The following TRAPPC9 variants were observed in gnomAD, a reference collection of about 807,000 sequenced individuals.
The protein encoded by TRAPPC9 is IKK2 binding protein.
Under a neutral mutation model 124.0 loss-of-function variants are expected in TRAPPC9, and 83 were observed. That is an observed-to-expected ratio of 0.67 (90% CI 0.56 to 0.80). The LOEUF is 0.80. Ranked by LOEUF, TRAPPC9 falls within the 30% of genes least tolerant of loss-of-function variation. TRAPPC9 has a pLI of 0.00. For synonymous variants in TRAPPC9, 638 were observed against 617.5 expected, an observed-to-expected ratio of 1.03 and a Z score of -0.49; for missense variants, 1,302 against 1,508.3, an observed-to-expected ratio of 0.86 and a Z score of 2.27.
intron 21 of TRAPPC9, among the ~76,000 whole-genome samples, chr8:139,885,602 C>T (rs1283537305): frequency 6.6e-6 from 1 of 152,224 alleles, no homozygotes; most frequent in African/African-American, 2.4e-5. Flanking sequence ...GGCCAAGATC[C>T]GCCTGCTGCA....
chr8:139,786,380 G>A (rs1232811422), intron 21 of TRAPPC9, among the ~76,000 whole-genome samples: 1 of 152,170 alleles, frequency 6.6e-6, no homozygotes, highest in Admixed American at 6.5e-5. Context: ...ATCCGTTAGA[G>A]GGCCTAGGGT....
chr8:139,965,388 G>A (rs910328854), intron 19 of TRAPPC9, among the ~76,000 whole-genome samples: 6 of 152,138 alleles, frequency 3.9e-5, no homozygotes, highest in African/African-American at 7.2e-5. Context: ...AGCAGCTCCC[G>A]AGGCTCCCAG....
rs559076289 is a variant in TRAPPC9, at chr8:139,804,661, G to A, written c.3056-72459C>T. 5.3e-4 allele frequency among the ~76,000 whole-genome samples: 15 copies of A among 28,466 alleles called. 3 individuals carry two copies. Among genetic ancestry groups the A allele is most frequent in the East Asian group, 2.2e-3 (2 of 924 alleles). 18.7% of individuals were successfully genotyped at this position (28,466 alleles called of 152,430 possible). A position where few individuals can be genotyped will look rare whatever the true frequency, so the allele number is the denominator to read the frequency against. On this transcript the variant is annotated intron_variant, in intron 21 of 22. Transcript: ENST00000438773. ...AGCACCACCGCCACCACCCACCACC[G>A]CCACCAAGCACCACCACCACACACA...
In TRAPPC9 at chr8:140,086,204, A is replaced by G. The variant is rs181382375; in HGVS notation, c.2557-62125T>C. Among the ~76,000 whole-genome samples the G allele has an allele frequency of 3.9e-5, 6 of 152,266 alleles. No homozygotes were observed. The East Asian group carries it at 9.7e-4, about 24-fold the overall frequency. On this transcript the variant is annotated intron_variant, in intron 17 of 22. Transcript: ENST00000438773. ...AAAGACACAGGTTTTGAAATGTGCT[A>G]CCACAAAGAAAGTACAAGAGGATCC... is the stretch of plus-strand genomic sequence containing the variant.
intron 17 of TRAPPC9, among the ~76,000 whole-genome samples, chr8:140,211,012 G>GTT (rs74275889): frequency 3.4e-5 from 5 of 145,652 alleles, no homozygotes; most frequent in African/African-American, 1.3e-4. Context: ...ATATCCTAGG[G>GTT]TTTTTTTTTT....
chr8:139,922,138 A>G (rs1266678867), intron 19 of TRAPPC9, among the ~76,000 whole-genome samples: 2 of 151,912 alleles, frequency 1.3e-5, no homozygotes, highest in African/African-American at 4.8e-5. Flanking sequence ...ATGTTAACTC[A>G]TTTATTTTCA....
chr8:139,908,496 C>A (rs186818541), intron 20 of TRAPPC9: 5 of 152,228 alleles, frequency 3.3e-5, no homozygotes, highest in Non-Finnish European at 5.9e-5. Flanking sequence ...CCAGCATAGA[C>A]GCTGGGAGGT....
intron 16 of TRAPPC9, among the ~76,000 whole-genome samples, chr8:140,242,136 CAGAG>C (rs36214777): frequency 2.6e-3 from 384 of 146,136 alleles, no homozygotes; most frequent in Non-Finnish European, 3.9e-3. Flanking sequence ...AAGAGGCAGA[CAGAG>C]AGAGAGAGAG....
intron 17 of TRAPPC9, among the ~76,000 whole-genome samples, chr8:140,036,871 A>C (rs185697535): frequency 1.1e-4 from 16 of 152,232 alleles, no homozygotes; most frequent in Admixed American, 9.2e-4. Flanking sequence ...TTGTACTTTA[A>C]GTTCTGGGGC....
intron 17 of TRAPPC9, among the ~76,000 whole-genome samples, chr8:140,081,405 GCA>G (rs2130002822): frequency 6.7e-6 from 1 of 148,486 alleles, no homozygotes; most frequent in African/African-American, 2.5e-5. Flanking sequence ...GAGTGCAGTG[GCA>G]CAGTCTCAGC....
At chr8:140,066,706 C>T (rs763756192) in intron 17 of TRAPPC9, among the ~76,000 whole-genome samples, 8 of 152,272 alleles carry the variant, frequency 5.3e-5, no homozygotes, top group Non-Finnish European at 1.2e-4. Context: ...GGTGCAAAGC[C>T]TATATAAGTC....
At chr8:139,741,816 C>A (rs994863654) in intron 21 of TRAPPC9, among the ~76,000 whole-genome samples, 4 of 152,198 alleles carry the variant, frequency 2.6e-5, no homozygotes, top group African/African-American at 9.6e-5. Context: ...AGCATGATGT[C>A]TCTAAGGCTC....
At chr8:140,422,516 G>T (rs1218547034) in intron 5 of TRAPPC9, among the ~76,000 whole-genome samples, 4 of 152,114 alleles carry the variant, frequency 2.6e-5, no homozygotes, top group Non-Finnish European at 5.9e-5. Context: ...CACTTTGGGA[G>T]GCCGAGGTGG....
chr8:139,871,261 G>A (rs1303824682), intron 21 of TRAPPC9, among the ~76,000 whole-genome samples: 1 of 152,190 alleles, frequency 6.6e-6, no homozygotes, highest in Non-Finnish European at 1.5e-5. Context: ...CCTTGGGTAG[G>A]CATAGGGCAT....
chr8:140,421,096 T>C (rs2070187107), intron 5 of TRAPPC9, among the ~76,000 whole-genome samples: 1 of 152,146 alleles, frequency 6.6e-6, no homozygotes, highest in South Asian at 2.1e-4. Context: ...AACCTTTCCC[T>C]AGGAGACAGT....
At chr8:140,418,650 G>A (rs1282570441) in intron 5 of TRAPPC9, among the ~76,000 whole-genome samples, 1 of 152,140 alleles carries the variant, frequency 6.6e-6, no homozygotes, top group African/African-American at 2.4e-5. Flanking sequence ...GAACCTGGGA[G>A]GCAGAGGTTG....
chr8:139,732,242 G>T, intron 21 of TRAPPC9, 40 bp from the exon 22 acceptor site: 1 of 1,512,370 alleles, frequency 6.6e-7, no homozygotes, highest in Non-Finnish European at 8.9e-7. Context: ...GGGCTGGCCT[G>T]CACGGCCCAG....
intron 2 of TRAPPC9, among the ~76,000 whole-genome samples, chr8:140,441,818 G>C (rs1410837706): frequency 6.6e-6 from 1 of 152,062 alleles, no homozygotes; most frequent in Non-Finnish European, 1.5e-5. Flanking sequence ...ACCTGCCTTG[G>C]CCTCCCACAG....
chr8:139,774,892 A>T (rs1821251513), intron 21 of TRAPPC9, among the ~76,000 whole-genome samples: 1 of 152,108 alleles, frequency 6.6e-6, no homozygotes, highest in African/African-American at 2.4e-5. Context: ...CCGGAGGGGG[A>T]CAGAGAACAC....
Sources: allele counts gnomAD v4.1 joint callset (sites outside exome capture counted in the v4.1 genomes callset), GRCh38; gene constraint gnomAD v4.1.1; transcripts MANE v1.5; gene names NCBI Gene and HGNC (gene_info 2026-07-23, HGNC 2026-07-21).